RICTOR: variants seen among roughly 807,000 people sequenced by gnomAD.
RICTOR encodes rapamycin-insensitive companion of mTOR.
In RICTOR, 49 loss-of-function variants were observed where a neutral mutation model predicts 214.9. The ratio of observed to expected loss-of-function variants is 0.23; its 90% CI spans 0.18 to 0.29. RICTOR has a LOEUF of 0.29. RICTOR is among the 10% of genes least tolerant of loss of function. RICTOR has a pLI of 1.00. For synonymous variants in RICTOR, 717 were observed against 711.3 expected (o/e 1.01, Z -0.13); for missense variants, 1,625 against 2,047.0 (o/e 0.79, Z 3.98).
At chr5:39,000,584 G>A (rs1200927372) in intron 5 of RICTOR, among the ~76,000 whole-genome samples, 6 of 151,836 alleles carry the variant, frequency 4.0e-5, no homozygotes, top group East Asian at 1.9e-4. Context: ...GTTCAAGATC[G>A]AAACAAACTT....
chr5:38,953,116 T>C (rs189427270), intron 28 of RICTOR, 25 bp from the exon 29 acceptor site: 2 of 1,451,456 alleles, frequency 1.4e-6, no homozygotes, highest in South Asian at 2.3e-5. Context: ...ATCACTTACA[T>C]CAAATATAAG....
Position 38,999,027 on chromosome 5 carries a change from C to CAAAAAAAAAAAAAA in RICTOR, c.393-2159_393-2146dup, listed in dbSNP as rs1186312478. ...CGAGACTCCATCTCAAACAAACAGG[C>CAAAAAAAAAAAAAA]AAAAAAAAAAAAAAAAAAAAAAAAC... On this transcript the variant is annotated intron_variant, in intron 5 of 37. Transcript: ENST00000357387. Among the ~76,000 whole-genome samples, 27 of 25,280 alleles carry CAAAAAAAAAAAAAA rather than the reference C, an allele frequency of 1.1e-3. 1 individual carries two copies. Among genetic ancestry groups the CAAAAAAAAAAAAAA allele is most frequent in the African/African-American group, 1.7e-3 (11 of 6,438 alleles). 16.6% of individuals were successfully genotyped at this position (25,280 alleles called of 152,430 possible).
At chr5:39,028,473 C>T (rs547300521) in intron 2 of RICTOR, among the ~76,000 whole-genome samples, 42 of 152,188 alleles carry the variant, frequency 2.8e-4, no homozygotes, top group African/African-American at 8.2e-4. Flanking sequence ...TGAGCCACCG[C>T]GCCCGGCCTG....
intron 27 of RICTOR, among the ~76,000 whole-genome samples, chr5:38,954,207 TAAGAG>T (rs1749038278): frequency 6.6e-6 from 1 of 151,912 alleles, no homozygotes; most frequent in Non-Finnish European, 1.5e-5. Flanking sequence ...ATTTCTAAAA[TAAGAG>T]AAACGTTACA....
At chr5:39,004,003 T>G (rs62359819) in intron 3 of RICTOR, among the ~76,000 whole-genome samples, 1 of 152,196 alleles carries the variant, frequency 6.6e-6, no homozygotes. Flanking sequence ...TCTCACACTT[T>G]AATTTCACTT....
At position 39,036,053 on chromosome 5, in the gene RICTOR, G is replaced by C. The variant is rs554811375; in HGVS notation, c.98-14917C>G. Among the ~76,000 whole-genome samples, 4 of 152,306 alleles carry C rather than the reference G, an allele frequency of 2.6e-5. No homozygotes were observed. The East Asian group carries it at 7.7e-4, about 29-fold the overall frequency. ...GTTGAAATGAAGGAAAAAATATTAA[G>C]GGAAGCCAGAGAGAAAGGTCGGGTT... On this transcript the variant is annotated intron_variant, in intron 2 of 37. Transcript: ENST00000357387.
intron 2 of RICTOR, among the ~76,000 whole-genome samples, chr5:39,049,587 T>G (rs960570441): frequency 6.9e-6 from 1 of 145,888 alleles, no homozygotes; most frequent in African/African-American, 2.6e-5. Flanking sequence ...TGCAAACCTC[T>G]GGCTTAAGGG....
At chr5:38,967,537 T>C (rs1750338679) in intron 12 of RICTOR, 110 bp from the exon 13 acceptor site, 1 of 737,176 alleles carries the variant, frequency 1.4e-6, no homozygotes, top group Non-Finnish European at 2.3e-6. Flanking sequence ...AAAGTGCTGG[T>C]TAAATACCAT....
intron 2 of RICTOR, among the ~76,000 whole-genome samples, chr5:39,072,526 C>A (rs1240515753): frequency 6.6e-6 from 1 of 152,174 alleles, no homozygotes; most frequent in Non-Finnish European, 1.5e-5. Flanking sequence ...CTCCCTTCAC[C>A]TTCATCTAAA....
intron 3 of RICTOR, among the ~76,000 whole-genome samples, chr5:39,013,393 T>C (rs775718466): frequency 6.6e-6 from 1 of 152,106 alleles, no homozygotes; most frequent in Non-Finnish European, 1.5e-5. Context: ...TAAATCTACA[T>C]GACTTTCTTA....
At chr5:38,954,440 G>A (rs958130973) in intron 27 of RICTOR, among the ~76,000 whole-genome samples, 2 of 151,608 alleles carry the variant, frequency 1.3e-5, no homozygotes, top group East Asian at 1.9e-4. Context: ...AGAAAAACTC[G>A]GTTTTTCAGT....
rs745703232 is a variant in RICTOR, at chr5:38,966,731, TAA to T, written c.1219-12_1219-11del. The T allele has an allele frequency of 4.9e-6, 7 of 1,433,798 alleles. No homozygotes were observed. The highest frequency in any genetic ancestry group is 3.8e-5 in the Admixed American group (2 of 53,042). 88.8% of individuals were successfully genotyped at this position (1,433,798 alleles called of 1,614,324 possible). On this transcript the variant is annotated splice_polypyrimidine_tract_variant and intron_variant, in intron 14 of 37. Coordinates refer to ENST00000357387, the MANE Select transcript of RICTOR (RefSeq NM_152756.5). ...TCACTTCAACTAGACCCTTTGAAAA[TAA>T]AAAGATAACACCACTGTTGCAAAAT...
At chr5:39,043,207 T>C (rs1017278362) in intron 2 of RICTOR, among the ~76,000 whole-genome samples, 1 of 152,178 alleles carries the variant, frequency 6.6e-6, no homozygotes, top group African/African-American at 2.4e-5. Context: ...GCACCACTAT[T>C]CATAATAGCC....
intron 3 of RICTOR, among the ~76,000 whole-genome samples, chr5:39,010,587 T>C (rs1355363293): frequency 6.6e-6 from 1 of 152,292 alleles, no homozygotes; most frequent in East Asian, 1.9e-4. Context: ...AAATTGCTGA[T>C]AGTGATATGG....
At chr5:39,041,449 T>C (rs1347195913) in intron 2 of RICTOR, among the ~76,000 whole-genome samples, 2 of 152,142 alleles carry the variant, frequency 1.3e-5, no homozygotes, top group African/African-American at 4.8e-5. Context: ...AGGAAGGCAT[T>C]TGTGCAAGTG....
At chr5:39,056,998 C>G (rs939011175) in intron 2 of RICTOR, among the ~76,000 whole-genome samples, 1 of 152,084 alleles carries the variant, frequency 6.6e-6, no homozygotes, top group African/African-American at 2.4e-5. Flanking sequence ...TAATTATCTA[C>G]CTTGCAAATA....
chr5:39,054,773 T>C (rs189207051), intron 2 of RICTOR, among the ~76,000 whole-genome samples: 1 of 152,224 alleles, frequency 6.6e-6, no homozygotes, highest in African/African-American at 2.4e-5. Context: ...ACTCATTAAA[T>C]ACAGCATTTC....
intron 9 of RICTOR, among the ~76,000 whole-genome samples, chr5:38,977,310 C>T (rs1751320157): frequency 6.6e-6 from 1 of 152,206 alleles, no homozygotes; most frequent in Admixed American, 6.5e-5. Context: ...ACCTATCAAA[C>T]TGTGATCTAA....
At chr5:38,988,208 T>C (rs1391055226) in intron 7 of RICTOR, among the ~76,000 whole-genome samples, 1 of 152,288 alleles carries the variant, frequency 6.6e-6, no homozygotes, top group South Asian at 2.1e-4. Flanking sequence ...TCTGTAGATA[T>C]CTATTAGGTC....
Sources: gnomAD v4.1 joint callset for allele counts (sites outside exome capture counted in the v4.1 genomes callset) on GRCh38, gnomAD v4.1.1 for gene constraint, MANE v1.5 for transcripts, NCBI Gene and HGNC (gene_info 2026-07-23, HGNC 2026-07-21) for gene names.